The following TUBGCP5 variants were observed in gnomAD, a reference collection of about 807,000 sequenced individuals.
TUBGCP5 encodes the protein gamma-tubulin complex component 5.
Under a neutral mutation model 134.7 loss-of-function variants are expected in TUBGCP5, and 98 were observed. That is an observed-to-expected ratio of 0.73 (90% confidence interval 0.62 to 0.86). The LOEUF (loss-of-function observed/expected upper bound fraction) is 0.86. TUBGCP5 is among the 40% of genes least tolerant of loss of function. The pLI, the probability that TUBGCP5 is intolerant of heterozygous loss-of-function variation, is 0.00. For synonymous variants in TUBGCP5, 456 were observed against 431.4 expected, an observed-to-expected ratio of 1.06 and a Z score of -0.71; for missense variants, 1,150 against 1,244.8, an observed-to-expected ratio of 0.92 and a Z score of 1.15.
chr15:23,009,031 T>C (rs888484144), intron 15 of TUBGCP5, 150 bp from the exon 16 acceptor site: 19 of 565,506 alleles, frequency 3.4e-5, no homozygotes, highest in Non-Finnish European at 4.7e-5. Context: ...CTCTTAAACT[T>C]GTTCCAATAA....
intron 13 of TUBGCP5, among the ~76,000 whole-genome samples, 171 bp downstream of exon 13, chr15:23,017,602 T>TA (rs1385587448): frequency 6.6e-6 from 1 of 152,088 alleles, no homozygotes; most frequent in Non-Finnish European, 1.5e-5. Flanking sequence ...GACAATCTTT[T>TA]AAAAAATCAA....
intron 18 of TUBGCP5, 149 bp downstream of exon 18, chr15:23,005,903 G>T: frequency 2.4e-6 from 2 of 824,288 alleles, no homozygotes; most frequent in Non-Finnish European, 3.6e-6. Context: ...GCACCATTTT[G>T]GCATTTGTGT....
rs1330763716 is a variant in TUBGCP5 at position 23,039,454 on chromosome 15, C to T, written c.90G>A (p.Gln30=). ...RELVRGVAGL[Q]DEADPNFQLA... ...GCTGGAAGTTGGGGTCTGCCTCGTC[C>T]TGGAGGCCGGCGACACCCCGGACGA... The change falls in exon 1 of 23, where the codon CAG becomes CAA. Residue 30 remains glutamine, a synonymous_variant. Coordinates refer to ENST00000615383, the MANE Select transcript of TUBGCP5 (RefSeq NM_052903.6). 6.5e-7 allele frequency: 1 copy of T among 1,549,846 alleles called. No individual in the cohort carries two copies. Among genetic ancestry groups the T allele is most frequent in the Non-Finnish European group, 8.7e-7 (1 of 1,145,728 alleles).
chr15:22,992,903 TATAGTAAA>T lies in TUBGCP5; in HGVS notation c.*61+3934_*61+3941del, dbSNP rs559307445. 1.2e-4 allele frequency among the ~76,000 whole-genome samples: 19 copies of T among 152,090 alleles called. 1 individual carries two copies. The South Asian group carries it at 3.9e-3, about 32-fold the overall frequency. ...TGCTGCCTGGTTTCTTCCTGCTGGG[TATAGTAAA>T]ATGTGAGAGGAGAGCATTAACTGAG... On this transcript the variant is annotated intron_variant and NMD_transcript_variant, in intron 23 of 23. Coordinates refer to the TUBGCP5 transcript ENST00000614508.
At chr15:22,998,740 A>G (rs755809598), downstream of TUBGCP5, among the ~76,000 whole-genome samples, 29 of 151,952 alleles carry the variant, frequency 1.9e-4, 1 homozygote, top group Middle Eastern at 0.01. Flanking sequence ...TCAGCCTCCC[A>G]AGTAGCTGGG....
intron 3 of TUBGCP5, among the ~76,000 whole-genome samples, chr15:23,035,059 GGCTCAT>G (rs1413755161): frequency 6.6e-6 from 1 of 152,078 alleles, no homozygotes; most frequent in Non-Finnish European, 1.5e-5. Context: ...TCGGCATGGT[GGCTCAT>G]GCCTGTAATC....
intron 6 of TUBGCP5, among the ~76,000 whole-genome samples, chr15:23,029,407 C>T (rs1236914579): frequency 1.3e-5 from 2 of 151,864 alleles, no homozygotes; most frequent in East Asian, 1.9e-4. Context: ...TTTTAGTAGA[C>T]GTGGGGTTTC....
chr15:23,003,955 G>T, intron 20 of TUBGCP5, 147 bp downstream of exon 20: 1 of 1,055,060 alleles, frequency 9.5e-7, no homozygotes, highest in Non-Finnish European at 1.3e-6. Flanking sequence ...GGCCGGCCTG[G>T]GGCATTTGTT....
chr15:23,024,315 C>A, intron 9 of TUBGCP5, 122 bp from the exon 10 acceptor site: 2 of 1,074,478 alleles, frequency 1.9e-6, no homozygotes, highest in Non-Finnish European at 2.6e-6. Flanking sequence ...TAGTAGAAGA[C>A]AAAGTAATAA....
intron 22 of TUBGCP5, chr15:23,000,181 A>T: frequency 3.3e-6 from 3 of 914,642 alleles, no homozygotes; most frequent in Non-Finnish European, 4.3e-6. Flanking sequence ...GGCTGGGATT[A>T]GAGGCATGAG....
Position 22,999,873 on chromosome 15 carries a change from G to A in TUBGCP5, c.3029-7C>T. ...GACAACGCTAGAGATTCCACTGTGG[G>A]AAGAATAAAAATAAGGTTAAAACAA... On this transcript the variant is annotated splice_polypyrimidine_tract_variant and splice_region_variant and intron_variant, in intron 22 of 22. Transcript: ENST00000615383. The A allele has an allele frequency of 1.9e-6, 3 of 1,613,558 alleles. No individual in the cohort carries two copies. Among genetic ancestry groups the A allele is most frequent in the Non-Finnish European group, 2.5e-6 (3 of 1,179,722 alleles).
In TUBGCP5 at chr15:23,036,012, G is replaced by A. The variant is rs559689528; in HGVS notation, c.309+885C>T. 1.2e-3 allele frequency among the ~76,000 whole-genome samples: 183 copies of A among 152,286 alleles called. 1 individual carries two copies. The highest frequency in any genetic ancestry group is 3.9e-3 in the African/African-American group (162 of 41,566). On this transcript the variant is annotated intron_variant, in intron 3 of 22. Transcript: ENST00000615383. ...CAGTGCCTGAGTTTAATATTAAAAC[G>A]TGAGCTTCCTCAGGCAGGAGAAAGG... is the stretch of plus-strand genomic sequence containing the variant.
intron 23 of TUBGCP5, among the ~76,000 whole-genome samples, chr15:22,986,149 AT>A (rs1273517600): frequency 2.0e-5 from 3 of 147,644 alleles, no homozygotes; most frequent in South Asian, 2.1e-4. Flanking sequence ...AAAAAAAAAA[AT>A]AATAATAATA....
At chr15:23,000,692 A>C (rs779048778) in intron 21 of TUBGCP5, 23 bp from the exon 22 acceptor site, 1 of 1,570,298 alleles carries the variant, frequency 6.4e-7, no homozygotes, top group Non-Finnish European at 8.7e-7. Flanking sequence ...GTAAATTTCA[A>C]TTAAGTAAGT....
chr15:23,022,208 C>T, intron 10 of TUBGCP5, 47 bp from the exon 11 acceptor site: 1 of 1,583,110 alleles, frequency 6.3e-7, no homozygotes, highest in Non-Finnish European at 8.7e-7. Flanking sequence ...AAAATACATG[C>T]ATCTAAAATG....
Position 23,031,146 on chromosome 15 carries a change from A to T in TUBGCP5, c.487-126T>A, listed in dbSNP as rs898845480. 9 of 912,852 alleles carry T rather than the reference A, an allele frequency of 9.9e-6. No homozygotes were observed. In the East Asian group the frequency reaches 1.4e-4, roughly 14 times the overall value. 56.5% of individuals were successfully genotyped at this position (912,852 alleles called of 1,614,324 possible). ...GAAGCAACATGGAACAGAAAAACAA[A>T]TTTTTTTTTCCTAAATCTCTTGGAA... On this transcript the variant is annotated intron_variant, in intron 5 of 22. Transcript: ENST00000615383.
chr15:23,002,674 T>C (rs2064455929), intron 21 of TUBGCP5, among the ~76,000 whole-genome samples: 1 of 152,178 alleles, frequency 6.6e-6, no homozygotes, highest in Non-Finnish European at 1.5e-5. Context: ...GGCACAGACA[T>C]GACAGAGCTG....
At chr15:23,021,918 G>A in intron 11 of TUBGCP5, 41 bp downstream of exon 11, 1 of 1,573,756 alleles carries the variant, frequency 6.4e-7, no homozygotes. Context: ...CCTCTGCTGT[G>A]CAGCATGGAG....
chr15:23,039,154 T>A (rs2140735152), intron 1 of TUBGCP5, among the ~76,000 whole-genome samples: 1 of 151,838 alleles, frequency 6.6e-6, no homozygotes, highest in African/African-American at 2.4e-5. Flanking sequence ...GAAACCCAGT[T>A]CACGCTTTCC....
Sources: gnomAD v4.1 joint callset for allele counts (sites outside exome capture counted in the v4.1 genomes callset) on GRCh38, gnomAD v4.1.1 for gene constraint, MANE v1.5 for transcripts, NCBI Gene and HGNC (gene_info 2026-07-23, HGNC 2026-07-21) for gene names.